The following DSCAM variants were observed in gnomAD, a reference collection of about 807,000 sequenced individuals.
DSCAM encodes DS cell adhesion molecule.
DSCAM carries 47 observed loss-of-function variants against 217.7 expected under a neutral mutation model. That is an observed-to-expected ratio of 0.22 (90% confidence interval 0.17 to 0.28). The LOEUF (loss-of-function observed/expected upper bound fraction) is 0.28, where lower values mean the gene tolerates loss of function less well. Ranked by LOEUF, DSCAM falls within the 10% of genes least tolerant of loss-of-function variation. The pLI is 1.00. For missense variants in DSCAM, 2,080 were observed against 2,618.3 expected (o/e 0.79, Z 4.49); for synonymous variants, 1,056 against 1,015.3 (o/e 1.04, Z -0.76).
At chr21:40,505,547 G>A (rs184464829) in intron 3 of DSCAM, among the ~76,000 whole-genome samples, 64 of 152,230 alleles carry the variant, frequency 4.2e-4, no homozygotes, top group African/African-American at 1.5e-3. Flanking sequence ...CTGTCTTATG[G>A]AATTTCAGAC....
intron 1 of DSCAM, among the ~76,000 whole-genome samples, chr21:40,729,755 A>G (rs759400261): frequency 3.3e-5 from 5 of 152,208 alleles, no homozygotes; most frequent in Admixed American, 6.5e-5. Flanking sequence ...ACCAAACCAG[A>G]AAACATGATT....
intron 3 of DSCAM, among the ~76,000 whole-genome samples, chr21:40,435,945 A>G (rs540264581): frequency 4.6e-5 from 7 of 152,340 alleles, no homozygotes; most frequent in African/African-American, 1.7e-4. Flanking sequence ...CCAGTCAGCC[A>G]TGGAATCAAG....
chr21:40,375,060 C>T (rs1466095536), intron 3 of DSCAM, among the ~76,000 whole-genome samples: 1 of 151,870 alleles, frequency 6.6e-6, no homozygotes, highest in Non-Finnish European at 1.5e-5. Flanking sequence ...CCTGGCATAT[C>T]TGTTAGTATC....
At chr21:40,212,697 T>C (rs551705972) in intron 11 of DSCAM, among the ~76,000 whole-genome samples, 2 of 152,288 alleles carry the variant, frequency 1.3e-5, no homozygotes, top group South Asian at 4.1e-4. Context: ...GGTTGAATTG[T>C]GGTCCTTCAA....
intron 11 of DSCAM, among the ~76,000 whole-genome samples, chr21:40,212,125 A>G (rs1310992443): frequency 6.6e-6 from 1 of 151,776 alleles, no homozygotes; most frequent in South Asian, 2.1e-4. Flanking sequence ...GTGCACCACC[A>G]CGCCTGGCTA....
At chr21:40,108,928 G>A (rs2089857805) in intron 20 of DSCAM, among the ~76,000 whole-genome samples, 1 of 152,186 alleles carries the variant, frequency 6.6e-6, no homozygotes, top group South Asian at 2.1e-4. Context: ...AAATGGTGCT[G>A]GGATAACTAG....
At chr21:40,386,899 C>A (rs1404255591) in intron 3 of DSCAM, among the ~76,000 whole-genome samples, 1 of 151,820 alleles carries the variant, frequency 6.6e-6, no homozygotes, top group Non-Finnish European at 1.5e-5. Flanking sequence ...GATAAAATTC[C>A]CTCTAGGATT....
intron 18 of DSCAM, among the ~76,000 whole-genome samples, chr21:40,140,022 C>T (rs116366926): frequency 0.017 from 2,525 of 151,538 alleles, 74 homozygotes; most frequent in African/African-American, 0.058. Context: ...GTGGTGTGTG[C>T]GCACGTGTAT....
intron 20 of DSCAM, among the ~76,000 whole-genome samples, chr21:40,104,611 C>T (rs1276869033): frequency 6.6e-6 from 1 of 152,128 alleles, no homozygotes. Context: ...CTGCATGATG[C>T]TATAATGGTG....
At chr21:40,806,068 T>C (rs1021108649) in intron 1 of DSCAM, among the ~76,000 whole-genome samples, 5 of 152,294 alleles carry the variant, frequency 3.3e-5, no homozygotes, top group African/African-American at 7.2e-5. Context: ...TTTACTGCGA[T>C]ACCCCTGCCT....
rs553166820 is a variant in DSCAM at position 40,810,539 on chromosome 21, T to C, written c.43+36080A>G. Among the ~76,000 whole-genome samples the C allele has an allele frequency of 1.6e-4, 24 of 152,264 alleles. No individual in the cohort carries two copies. The South Asian group carries it at 2.5e-3, about 16-fold the overall frequency. ...TGGGTTTGGATCCTGGCCCCATCACTAATTAGCTGACCCAGCTCCAACCTC... is the reference window on the plus strand; with the variant it reads ...TGGGTTTGGATCCTGGCCCCATCACCAATTAGCTGACCCAGCTCCAACCTC... On this transcript the variant is annotated intron_variant, in intron 1 of 32. Transcript: ENST00000400454.
At chr21:40,190,964 A>C (rs544671175) in intron 11 of DSCAM, among the ~76,000 whole-genome samples, 2 of 152,324 alleles carry the variant, frequency 1.3e-5, no homozygotes, top group South Asian at 4.1e-4. Context: ...AAGGTTTGAA[A>C]ATTCATCAAA....
chr21:40,377,280 T>C (rs892115283), intron 3 of DSCAM, among the ~76,000 whole-genome samples: 15 of 152,166 alleles, frequency 9.9e-5, no homozygotes, highest in African/African-American at 3.6e-4. Flanking sequence ...TAGAAGTATC[T>C]GTGCCAGGAT....
intron 1 of DSCAM, among the ~76,000 whole-genome samples, chr21:40,801,807 T>C (rs924018992): frequency 6.6e-6 from 1 of 151,926 alleles, no homozygotes; most frequent in Non-Finnish European, 1.5e-5. Flanking sequence ...AAAGCAAGAG[T>C]TGTAGAGGAT....
intron 3 of DSCAM, among the ~76,000 whole-genome samples, chr21:40,414,858 T>A (rs534115883): frequency 6.6e-6 from 1 of 152,158 alleles, no homozygotes; most frequent in Non-Finnish European, 1.5e-5. Flanking sequence ...TATCAAGACA[T>A]GGGACAAAGG....
intron 3 of DSCAM, chr21:40,383,501 C>T (rs1056301312): frequency 6.6e-6 from 1 of 152,164 alleles, no homozygotes; most frequent in African/African-American, 2.4e-5. Flanking sequence ...GTGATTCTTT[C>T]AAAGGGAAAG....
chr21:40,414,975 T>C (rs1947535858), intron 3 of DSCAM, among the ~76,000 whole-genome samples: 2 of 152,194 alleles, frequency 1.3e-5, no homozygotes, highest in Non-Finnish European at 2.9e-5. Context: ...AAGTTACATA[T>C]AGCAGGATTT....
chr21:40,050,641 C>T (rs142469853), intron 30 of DSCAM, among the ~76,000 whole-genome samples: 4,666 of 152,234 alleles, frequency 0.031, 107 homozygotes, highest in African/African-American at 0.06. Flanking sequence ...CGCCACCAGG[C>T]CGGCTAATTT....
At chr21:40,589,703 G>A (rs1049754806) in intron 3 of DSCAM, among the ~76,000 whole-genome samples, 8 of 152,142 alleles carry the variant, frequency 5.3e-5, no homozygotes, top group African/African-American at 1.9e-4. Context: ...AATCATCTTT[G>A]GCAATGTATA....
Sources: allele counts gnomAD v4.1 joint callset (sites outside exome capture counted in the v4.1 genomes callset), GRCh38; gene constraint gnomAD v4.1.1; transcripts MANE v1.5; gene names NCBI Gene and HGNC (gene_info 2026-07-23, HGNC 2026-07-21).